The following DPP10 variants were observed in gnomAD, a reference collection of about 807,000 sequenced individuals.
DPP10 encodes inactive dipeptidyl peptidase 10.
DPP10 carries 33 observed loss-of-function variants against 120.9 expected under a neutral mutation model. The observed-to-expected ratio is 0.27, with a 90% CI of 0.21 to 0.37. DPP10 has a LOEUF of 0.37. Ranked by LOEUF, DPP10 falls within the 10% of genes least tolerant of loss-of-function variation. The pLI is 1.00. For synonymous variants in DPP10, 337 were observed against 326.1 expected (o/e 1.03, Z -0.36); for missense variants, 816 against 942.8 (o/e 0.87, Z 1.76).
At chr2:114,945,037 T>C (rs60704474) in intron 1 of DPP10, among the ~76,000 whole-genome samples, 1 of 152,132 alleles carries the variant, frequency 6.6e-6, no homozygotes, top group Non-Finnish European at 1.5e-5. Context: ...AGTGTCCATA[T>C]GCAAAAACCA....
chr2:114,947,298 T>A (rs575105653), intron 1 of DPP10, among the ~76,000 whole-genome samples: 1 of 151,992 alleles, frequency 6.6e-6, no homozygotes, highest in African/African-American at 2.4e-5. Flanking sequence ...AAATTTTAAT[T>A]TTTTTTTCTG....
At chr2:115,702,345 C>A (rs1033750175) in intron 7 of DPP10, among the ~76,000 whole-genome samples, 1 of 152,014 alleles carries the variant, frequency 6.6e-6, no homozygotes, top group Non-Finnish European at 1.5e-5. Flanking sequence ...AATTCCATTC[C>A]TAGGTATATG....
chr2:114,967,966 C>T (rs901271767), intron 1 of DPP10, among the ~76,000 whole-genome samples: 3 of 152,106 alleles, frequency 2.0e-5, no homozygotes, highest in African/African-American at 7.2e-5. Flanking sequence ...GACTGGGGCT[C>T]AGGTGATTCT....
intron 1 of DPP10, among the ~76,000 whole-genome samples, chr2:115,238,095 C>A (rs934975157): frequency 6.6e-6 from 1 of 152,146 alleles, no homozygotes; most frequent in South Asian, 2.1e-4. Flanking sequence ...CAGAGAGAAG[C>A]TGATGCCTCT....
intron 19 of DPP10, among the ~76,000 whole-genome samples, chr2:115,808,011 G>A (rs969959318): frequency 1.3e-5 from 2 of 152,032 alleles, no homozygotes; most frequent in African/African-American, 2.4e-5. Context: ...GAGGCACTCT[G>A]GATTTTAGCA....
chr2:115,335,176 A>T (rs1221312157), intron 2 of DPP10, among the ~76,000 whole-genome samples: 1 of 151,958 alleles, frequency 6.6e-6, no homozygotes, highest in Non-Finnish European at 1.5e-5. Context: ...ATTCAGTACC[A>T]TGAGAACAGT....
At chr2:115,091,597 T>C (rs920970713) in intron 1 of DPP10, among the ~76,000 whole-genome samples, 1 of 152,130 alleles carries the variant, frequency 6.6e-6, no homozygotes, top group African/African-American at 2.4e-5. Flanking sequence ...AGAAGAAAAA[T>C]GGCCTAGTGC....
intron 1 of DPP10, among the ~76,000 whole-genome samples, chr2:114,924,813 A>G (rs1213181152): frequency 6.6e-6 from 1 of 152,210 alleles, no homozygotes; most frequent in Non-Finnish European, 1.5e-5. Flanking sequence ...AACAAAAACA[A>G]AAACAAAAAA....
At chr2:115,019,646 A>G (rs1702925435) in intron 1 of DPP10, among the ~76,000 whole-genome samples, 1 of 152,218 alleles carries the variant, frequency 6.6e-6, no homozygotes, top group African/African-American at 2.4e-5. Flanking sequence ...TAGACATCCA[A>G]ATACAAGAAG....
chr2:115,671,499 T>C (rs2089864907), intron 5 of DPP10, among the ~76,000 whole-genome samples: 1 of 151,958 alleles, frequency 6.6e-6, no homozygotes, highest in Non-Finnish European at 1.5e-5. Flanking sequence ...CAAATAGCTA[T>C]TGAGCACTGG....
intron 5 of DPP10, among the ~76,000 whole-genome samples, chr2:115,606,278 A>G (rs2083699614): frequency 6.6e-6 from 1 of 152,192 alleles, no homozygotes; most frequent in South Asian, 2.1e-4. Flanking sequence ...CAAGCATTAG[A>G]CCTTTATTTC....
chr2:115,413,535 T>TA (rs1415220445), intron 3 of DPP10, among the ~76,000 whole-genome samples: 4 of 152,200 alleles, frequency 2.6e-5, no homozygotes, highest in African/African-American at 9.6e-5. Flanking sequence ...AAAAAAATGT[T>TA]ACTTTTGTCA....
chr2:115,058,019 T>G (rs1167844300), intron 1 of DPP10, among the ~76,000 whole-genome samples: 1 of 152,188 alleles, frequency 6.6e-6, no homozygotes, highest in African/African-American at 2.4e-5. Flanking sequence ...GGTTAAAATT[T>G]CTGCTGCGTT....
chr2:115,484,465 C>T (rs2075644885), intron 3 of DPP10, among the ~76,000 whole-genome samples: 1 of 152,064 alleles, frequency 6.6e-6, no homozygotes, highest in Admixed American at 6.6e-5. Flanking sequence ...TAGCACATTG[C>T]ATACCACTAA....
chr2:115,011,661 G>T (rs1167852702), intron 1 of DPP10, among the ~76,000 whole-genome samples: 1 of 152,074 alleles, frequency 6.6e-6, no homozygotes, highest in Admixed American at 6.5e-5. Flanking sequence ...ATGGCAGATA[G>T]GAGACAGGAC....
chr2:115,618,656 G>A (rs78976708), intron 5 of DPP10, among the ~76,000 whole-genome samples: 4,504 of 152,142 alleles, frequency 0.03, 98 homozygotes, highest in Middle Eastern at 0.062. Context: ...ATACAAATCC[G>A]TTTATATGAT....
At chr2:114,482,129 A>G (rs1681112184) in intron 1 of DPP10, among the ~76,000 whole-genome samples, 1 of 152,128 alleles carries the variant, frequency 6.6e-6, no homozygotes, top group Non-Finnish European at 1.5e-5. Context: ...TGTGGAGATT[A>G]CAATTTGGGA....
At chr2:114,882,497 G>T (rs970329377) in intron 1 of DPP10, among the ~76,000 whole-genome samples, 1 of 149,850 alleles carries the variant, frequency 6.7e-6, no homozygotes, top group Non-Finnish European at 1.5e-5. Context: ...GGACTTTGGG[G>T]ACTATGGAAG....
At chr2:114,771,859 TTAA>T (rs1294837377) in intron 1 of DPP10, among the ~76,000 whole-genome samples, 1 of 152,130 alleles carries the variant, frequency 6.6e-6, no homozygotes, top group African/African-American at 2.4e-5. Flanking sequence ...AGTAAAACAC[TTAA>T]TAAACACTTT....
Sources: gnomAD v4.1 joint callset for allele counts (sites outside exome capture counted in the v4.1 genomes callset) on GRCh38, gnomAD v4.1.1 for gene constraint, MANE v1.5 for transcripts, NCBI Gene and HGNC (gene_info 2026-07-23, HGNC 2026-07-21) for gene names.